DCAKD: variants seen among roughly 807,000 people sequenced by gnomAD.
The protein encoded by DCAKD is dephospho-CoA kinase domain-containing protein.
Under a neutral mutation model 18.7 loss-of-function variants are expected in DCAKD, and 15 were observed. The ratio of observed to expected loss-of-function variants is 0.80; its 90% CI spans 0.54 to 1.24. DCAKD has a LOEUF of 1.24. Among genes scored for constraint, DCAKD ranks in the 50% most tolerant of loss-of-function variants. DCAKD has a pLI of 0.00. For synonymous variants in DCAKD, 130 were observed against 133.0 expected, an observed-to-expected ratio of 0.98 and a Z score of 0.16; for missense variants, 301 against 322.0, an observed-to-expected ratio of 0.93 and a Z score of 0.50.
In DCAKD at chr17:45,040,214, G is replaced by A. The variant is rs1347930124; in HGVS notation, c.-114-5215C>T. Among the ~76,000 whole-genome samples the A allele has an allele frequency of 2.0e-5, 3 of 151,048 alleles. No homozygotes were observed. The East Asian group carries it at 5.9e-4, about 30-fold the overall frequency. Reference sequence around the variant, plus strand: ...ACCAGCCTGACCAACATGGAGAAACGCCATTTCTACTAAAAATACAAAATT... The same window carrying A: ...ACCAGCCTGACCAACATGGAGAAACACCATTTCTACTAAAAATACAAAATT... On this transcript the variant is annotated intron_variant, in intron 1 of 4. Coordinates refer to ENST00000651974, the MANE Select transcript of DCAKD (RefSeq NM_001288655.2).
chr17:45,026,458 C>G (rs1445749035), intron 4 of DCAKD: 2 of 225,844 alleles, frequency 8.9e-6, no homozygotes, highest in Non-Finnish European at 1.5e-5. Flanking sequence ...GATCTCCTGA[C>G]CTTGTGATCT....
intron 4 of DCAKD, among the ~76,000 whole-genome samples, chr17:45,029,562 C>CTGGG (rs2053132800): frequency 6.6e-6 from 1 of 152,156 alleles, no homozygotes; most frequent in East Asian, 1.9e-4. Context: ...GCTCCGTGTC[C>CTGGG]TGGGGAATTC....
chr17:45,059,292 TTTTA>T, intron 1 of DCAKD, among the ~76,000 whole-genome samples: 1 of 152,218 alleles, frequency 6.6e-6, no homozygotes, highest in Middle Eastern at 3.4e-3. Context: ...TAGTTCTGTG[TTTTA>T]TTTGTGTTTT....
At chr17:45,053,937 C>T (rs1476625223), upstream of DCAKD, among the ~76,000 whole-genome samples, 1 of 152,138 alleles carries the variant, frequency 6.6e-6, no homozygotes, top group East Asian at 1.9e-4. Flanking sequence ...TCTCTACTTC[C>T]TTTAAGGTAG....
intron 4 of DCAKD, among the ~76,000 whole-genome samples, chr17:45,026,371 G>GCGC (rs1444623866): frequency 1.3e-5 from 2 of 151,860 alleles, no homozygotes; most frequent in Non-Finnish European, 2.9e-5. Context: ...GGGACTATAG[G>GCGC]CGCCCGCCAC....
In DCAKD at chr17:45,034,236, G is replaced by T; in HGVS notation, c.267C>A (p.Pro89=). 6.2e-7 allele frequency: 1 copy of T among 1,614,056 alleles called. No individual in the cohort carries two copies. The highest frequency in any genetic ancestry group is 8.5e-7 in the Non-Finnish European group (1 of 1,180,012). ...RRQLLNAITH[P]EIRKEMMKET... Reference sequence around the variant, plus strand: ...CCTTCATCATCTCCTTGCGAATCTCGGGGTGGGTGATGGCGTTGAGCAGCT... The same window carrying T: ...CCTTCATCATCTCCTTGCGAATCTCTGGGTGGGTGATGGCGTTGAGCAGCT... Residue 89 remains proline, a synonymous_variant, in exon 3 of 5, where the codon CCC becomes CCA. Transcript: ENST00000651974.
upstream of DCAKD, among the ~76,000 whole-genome samples, chr17:45,054,920 A>G (rs370751955): frequency 2.6e-5 from 4 of 152,302 alleles, no homozygotes; most frequent in South Asian, 4.1e-4. Context: ...TTACAGTATT[A>G]TAACTATTCA....
rs2052983964 is a variant in DCAKD at position 45,023,430 on chromosome 17, A to T, written c.*1003T>A. The T allele has an allele frequency of 6.6e-6, 1 of 152,120 alleles. No homozygotes were observed. The allele number at this position is 152,120 out of a possible 1,614,324, so 9.4% of individuals were successfully genotyped here. A position where few individuals can be genotyped will look rare whatever the true frequency, so the allele number is the denominator to read the frequency against. On this transcript the variant is annotated 3_prime_UTR_variant, in exon 5 of 5. Coordinates refer to ENST00000651974, the MANE Select transcript of DCAKD (RefSeq NM_001288655.2). ...CACTAAGAACACAGAGATGAATAAG[A>T]CACTGTCCCTGTCCCTAGAGGGCTT...
rs1474464294 is a variant in DCAKD at position 45,024,130 on chromosome 17, TCTGA to T, written c.*299_*302del. On this transcript the variant is annotated 3_prime_UTR_variant, in exon 5 of 5. Transcript: ENST00000651974. ...CCACCCACAGAAATGTATAGCAGTC[TCTGA>T]CTGTTGCTTTCACACACCATCACGG... 2 of 359,304 alleles carry T rather than the reference TCTGA, an allele frequency of 5.6e-6. No homozygotes were observed. The highest frequency in any genetic ancestry group is 1.0e-5 in the Non-Finnish European group (2 of 192,146). 22.3% of individuals were successfully genotyped at this position (359,304 alleles called of 1,614,324 possible).
chr17:45,050,891 G>A (rs2053679306), intron 1 of DCAKD, among the ~76,000 whole-genome samples: 1 of 152,218 alleles, frequency 6.6e-6, no homozygotes, highest in Admixed American at 6.5e-5. Context: ...AGGAAGAGAC[G>A]GGTGGCCGGA....
intron 1 of DCAKD, among the ~76,000 whole-genome samples, chr17:45,044,656 C>T (rs2053522021): frequency 6.6e-6 from 1 of 151,736 alleles, no homozygotes; most frequent in South Asian, 2.1e-4. Context: ...TGTGCCATTG[C>T]ACTCTAGCCT....
rs2053236842 is a variant in DCAKD at position 45,034,233 on chromosome 17, C to T, written c.270G>A (p.Glu90=). Residue 90 remains glutamate, a synonymous_variant, in exon 3 of 5, where the codon GAG becomes GAA. Coordinates refer to ENST00000651974, the MANE Select transcript of DCAKD (RefSeq NM_001288655.2). ...RQLLNAITHP[E]IRKEMMKETF... Reference sequence around the variant, plus strand: ...TCTCCTTCATCATCTCCTTGCGAATCTCGGGGTGGGTGATGGCGTTGAGCA... The same window carrying T: ...TCTCCTTCATCATCTCCTTGCGAATTTCGGGGTGGGTGATGGCGTTGAGCA... 6.2e-7 allele frequency: 1 copy of T among 1,614,010 alleles called. No homozygotes were observed. Among genetic ancestry groups the T allele is most frequent in the Admixed American group, 1.7e-5 (1 of 59,994 alleles).
intron 1 of DCAKD, among the ~76,000 whole-genome samples, chr17:45,042,108 T>C (rs1350725316): frequency 2.6e-5 from 4 of 151,622 alleles, no homozygotes; most frequent in Non-Finnish European, 5.9e-5. Flanking sequence ...GAATAAGACC[T>C]GACTTAAAAA....
chr17:45,034,371 AG>A lies in DCAKD; in HGVS notation c.131del (p.Pro44LeufsTer7), dbSNP rs772566334. On this transcript the variant is annotated frameshift_variant, in exon 3 of 5. Transcript: ENST00000651974. LOFTEE classifies it high-confidence loss of function. ...MARHVVQPGY[P>X]AHRRIVEVFG... ...AGACCTCTACGATGCGCCGGTGGGC[AG>A]GGTATCCTGGCTGCACGACTGTGGC... The A allele has an allele frequency of 6.2e-7, 1 of 1,613,878 alleles. No homozygotes were observed. Among genetic ancestry groups the A allele is most frequent in the Non-Finnish European group, 8.5e-7 (1 of 1,180,040 alleles).
chr17:45,054,144 T>C (rs1241010315), upstream of DCAKD: 1 of 518,914 alleles, frequency 1.9e-6, no homozygotes, highest in East Asian at 5.5e-5. Context: ...AAGGGCCATT[T>C]GGTACAAACA....
rs2053693361 is a variant in DCAKD, at chr17:45,051,438, C to A, written c.-192G>T. On this transcript the variant is annotated 5_prime_UTR_variant, in exon 1 of 5. Coordinates refer to ENST00000651974, the MANE Select transcript of DCAKD (RefSeq NM_001288655.2). ...AAAGAGGCCCGTACGCCCCACTAGG[C>A]CGCGAAATTGGGTCGCCCGGGGCGG... 6.6e-6 allele frequency: 1 copy of A among 152,108 alleles called. No individual in the cohort carries two copies. Among genetic ancestry groups the A allele is most frequent in the Admixed American group, 6.5e-5 (1 of 15,282 alleles). 9.4% of individuals were successfully genotyped at this position (152,108 alleles called of 1,614,324 possible).
intron 1 of DCAKD, among the ~76,000 whole-genome samples, chr17:45,040,577 ATTCTGGGACCAAT>A (rs1372440480): frequency 6.6e-6 from 1 of 152,164 alleles, no homozygotes; most frequent in African/African-American, 2.4e-5. Context: ...TGGAAGCTGG[ATTCTGGGACCAAT>A]CCCAGGTATG....
At chr17:45,058,608 G>A (rs552693567) in intron 1 of DCAKD, among the ~76,000 whole-genome samples, 29 of 151,596 alleles carry the variant, frequency 1.9e-4, no homozygotes, top group South Asian at 4.2e-4. Context: ...TTTCAGTAGA[G>A]ACGGGGTTTC....
At chr17:45,054,155 C>T (rs191559253), upstream of DCAKD, 1 of 518,408 alleles carries the variant, frequency 1.9e-6, no homozygotes, top group African/African-American at 1.9e-5. Flanking sequence ...GGTACAAACA[C>T]CCTGCCAGTA....
Sources: allele counts gnomAD v4.1 joint callset (sites outside exome capture counted in the v4.1 genomes callset), GRCh38; gene constraint gnomAD v4.1.1; transcripts MANE v1.5; gene names NCBI Gene and HGNC (gene_info 2026-07-23, HGNC 2026-07-21).